The following ACACA variants were observed in gnomAD, a reference collection of about 807,000 sequenced individuals.
ACACA encodes the protein acetyl-CoA carboxylase 1.
ACACA carries 103 observed loss-of-function variants against 296.1 expected under a neutral mutation model. That is an observed-to-expected ratio of 0.35 (90% CI 0.30 to 0.41). The LOEUF is 0.41. Ranked by LOEUF, ACACA falls within the 10% of genes least tolerant of loss-of-function variation. ACACA has a pLI of 1.00. For synonymous variants in ACACA, 953 were observed against 1,038.6 expected (o/e 0.92, Z 1.58); for missense variants, 1,554 against 2,989.7 (o/e 0.52, Z 11.20).
At chr17:37,118,003 C>T (rs2074340748) in intron 50 of ACACA, among the ~76,000 whole-genome samples, 1 of 152,152 alleles carries the variant, frequency 6.6e-6, no homozygotes, top group South Asian at 2.1e-4. Flanking sequence ...CTGCAAACAT[C>T]TCCCCAAGGG....
At chr17:37,402,475 T>A (rs2051324641) in intron 1 of ACACA, among the ~76,000 whole-genome samples, 1 of 152,138 alleles carries the variant, frequency 6.6e-6, no homozygotes, top group Non-Finnish European at 1.5e-5. Flanking sequence ...AATGACAATA[T>A]AAATTTATTG....
intron 50 of ACACA, among the ~76,000 whole-genome samples, chr17:37,115,875 C>A (rs973438297): frequency 1.3e-5 from 2 of 152,124 alleles, no homozygotes; most frequent in Non-Finnish European, 2.9e-5. Flanking sequence ...ATTTATATAT[C>A]CAAGTTGCAG....
chr17:37,173,995 TATATATATATATA>T lies in ACACA; in HGVS notation c.5079+5252_5079+5264del, dbSNP rs2076988339. Among the ~76,000 whole-genome samples the T allele has an allele frequency of 3.2e-4, 3 of 9,328 alleles. 1 individual carries two copies. Among genetic ancestry groups the T allele is most frequent in the African/African-American group, 1.8e-3 (3 of 1,644 alleles). 6.1% of individuals were successfully genotyped at this position (9,328 alleles called of 152,430 possible). A position where few individuals can be genotyped will look rare whatever the true frequency, so the allele number is the denominator to read the frequency against. On this transcript the variant is annotated intron_variant, in intron 41 of 55. Transcript: ENST00000616317. ...CGCCTGGCTAATTTATATATATATATATATATATATATATATATATATATATTTTTTTTTTTTT... is the reference window on the plus strand; with the variant it reads ...CGCCTGGCTAATTTATATATATATATTATATATATATATTTTTTTTTTTTT...
chr17:37,389,423 G>A (rs767382344), intron 1 of ACACA: 46 of 1,536,824 alleles, frequency 3.0e-5, no homozygotes, highest in Middle Eastern at 1.7e-4. Flanking sequence ...GGGGCCGGGC[G>A]TGGTGGCTCA....
chr17:37,381,284 C>CA (rs1356111339), intron 1 of ACACA, among the ~76,000 whole-genome samples: 8 of 151,960 alleles, frequency 5.3e-5, no homozygotes, highest in African/African-American at 1.7e-4. Context: ...CTCCCAGGTT[C>CA]ACGTGATTCT....
chr17:37,117,667 T>C (rs2074320974), intron 50 of ACACA, among the ~76,000 whole-genome samples: 1 of 152,230 alleles, frequency 6.6e-6, no homozygotes, highest in Admixed American at 6.5e-5. Context: ...TGCATTATGC[T>C]GAATAGCCTT....
chr17:37,278,776 A>T (rs2082379296), intron 5 of ACACA, among the ~76,000 whole-genome samples: 1 of 152,216 alleles, frequency 6.6e-6, no homozygotes, highest in South Asian at 2.1e-4. Context: ...AACTTCCTCA[A>T]AGTTCATTTC....
intron 3 of ACACA, among the ~76,000 whole-genome samples, chr17:37,320,430 G>C (rs1444469981): frequency 6.6e-6 from 1 of 151,510 alleles, no homozygotes; most frequent in Non-Finnish European, 1.5e-5. Flanking sequence ...AAAATAGCTT[G>C]AACCTGGGAG....
At chr17:37,266,452 T>G (rs1421314888) in intron 10 of ACACA, among the ~76,000 whole-genome samples, 1 of 151,290 alleles carries the variant, frequency 6.6e-6, no homozygotes, top group Non-Finnish European at 1.5e-5. Context: ...GAAGCATGTT[T>G]CCAGCTGAAA....
In ACACA at chr17:37,306,464, A is replaced by G. The variant is rs1395345545; in HGVS notation, c.339-21494T>C. The stretch of plus-strand genomic sequence containing the variant: ...ACATATATATGCAAAATTAATATAT[A>G]TATAGCCATATAACCAATCACCTCA... On this transcript the variant is annotated intron_variant, in intron 3 of 55. Coordinates refer to ENST00000616317, the MANE Select transcript of ACACA (RefSeq NM_198834.3). Among the ~76,000 whole-genome samples the G allele has an allele frequency of 5.3e-5, 8 of 152,092 alleles. No homozygotes were observed. In the East Asian group the frequency reaches 1.5e-3, roughly 29 times the overall value.
chr17:37,131,105 C>T (rs1009468845), intron 45 of ACACA, among the ~76,000 whole-genome samples: 1 of 151,838 alleles, frequency 6.6e-6, no homozygotes, highest in African/African-American at 2.4e-5. Flanking sequence ...TGATTTATAC[C>T]CAAGCATGCT....
chr17:37,243,593 G>T, intron 21 of ACACA, 34 bp from the exon 22 acceptor site: 2 of 1,598,838 alleles, frequency 1.3e-6, no homozygotes, highest in Non-Finnish European at 1.7e-6. Flanking sequence ...TAGGACCCAA[G>T]TTAACACAAT....
intron 52 of ACACA, among the ~76,000 whole-genome samples, chr17:37,101,633 T>C (rs1019231802): frequency 4.6e-5 from 7 of 152,216 alleles, no homozygotes; most frequent in African/African-American, 1.4e-4. Flanking sequence ...GCTTCAGTAG[T>C]AGTGTCCCTT....
intron 17 of ACACA, 89 bp downstream of exon 17, chr17:37,248,504 G>GCA (rs1415680770): frequency 5.1e-6 from 5 of 973,946 alleles, no homozygotes; most frequent in Non-Finnish European, 6.6e-6. Context: ...CCCCATCCCT[G>GCA]CATTAAATCA....
At chr17:37,179,923 ATGTG>A (rs1158973972) in intron 40 of ACACA, among the ~76,000 whole-genome samples, 1 of 152,234 alleles carries the variant, frequency 6.6e-6, no homozygotes, top group African/African-American at 2.4e-5. Flanking sequence ...AGCTCACTAG[ATGTG>A]TGTGACTATT....
At chr17:37,250,745 G>A (rs555059735) in intron 16 of ACACA, among the ~76,000 whole-genome samples, 25 of 152,340 alleles carry the variant, frequency 1.6e-4, no homozygotes, top group South Asian at 8.3e-4. Context: ...AGGCCGGGCA[G>A]CCGGGCACGG....
chr17:37,361,768 G>A (rs2049414126), intron 1 of ACACA, among the ~76,000 whole-genome samples: 1 of 152,168 alleles, frequency 6.6e-6, no homozygotes, highest in South Asian at 2.1e-4. Context: ...ATGAGTTATT[G>A]CTACACAAGC....
chr17:37,310,562 G>A (rs528336084), intron 3 of ACACA, among the ~76,000 whole-genome samples: 4 of 152,050 alleles, frequency 2.6e-5, no homozygotes, highest in Non-Finnish European at 5.9e-5. Flanking sequence ...GGGAGGCAGA[G>A]GCAGGTGGAT....
chr17:37,279,410 G>A (rs904475342), intron 5 of ACACA, among the ~76,000 whole-genome samples: 3 of 152,050 alleles, frequency 2.0e-5, no homozygotes, highest in Non-Finnish European at 4.4e-5. Flanking sequence ...TGAGGTGGGC[G>A]GATCACGAGG....
Sources: gnomAD v4.1 joint callset for allele counts (sites outside exome capture counted in the v4.1 genomes callset) on GRCh38, gnomAD v4.1.1 for gene constraint, MANE v1.5 for transcripts, NCBI Gene and HGNC (gene_info 2026-07-23, HGNC 2026-07-21) for gene names.